DNAAF5: variants seen among roughly 807,000 people sequenced by gnomAD.
DNAAF5 encodes the protein dynein axonemal assembly factor 5, also known as HEAT repeat containing 2.
DNAAF5 carries 64 observed loss-of-function variants against 75.8 expected under a neutral mutation model. The ratio of observed to expected loss-of-function variants is 0.84; its 90% CI spans 0.69 to 1.04. The LOEUF is 1.04. Ranked by LOEUF, DNAAF5 falls within the 50% of genes least tolerant of loss-of-function variation. DNAAF5 has a pLI of 0.00. For synonymous variants in DNAAF5, 657 were observed against 557.2 expected (o/e 1.18, Z -2.52); for missense variants, 1,269 against 1,178.5 (o/e 1.08, Z -1.12).
At chr7:768,242 G>A (rs1190902003) in intron 8 of DNAAF5, among the ~76,000 whole-genome samples, 2 of 150,464 alleles carry the variant, frequency 1.3e-5, no homozygotes, top group Non-Finnish European at 3.0e-5. Context: ...CAGGGCGGAA[G>A]TGTCCGTGCT....
At chr7:746,254 G>A (rs1472567651) in intron 4 of DNAAF5, among the ~76,000 whole-genome samples, 1 of 142,158 alleles carries the variant, frequency 7.0e-6, no homozygotes, top group Non-Finnish European at 1.5e-5. Context: ...GGTCTGTGAC[G>A]CTCTCCTTAC....
chr7:754,804 G>T lies in DNAAF5; in HGVS notation c.1240G>T (p.Ala414Ser). 2 of 1,605,166 alleles carry T rather than the reference G, an allele frequency of 1.2e-6. No homozygotes were observed. The highest frequency in any genetic ancestry group is 1.1e-5 in the South Asian group (1 of 90,760). Residue 414 changes from alanine to serine, a missense_variant, in exon 5 of 13, where the codon GCA becomes TCA. Physicochemically the swap from Ala to Ser is moderately conservative, Grantham distance 99 (BLOSUM62 1). Coordinates refer to ENST00000297440, the MANE Select transcript of DNAAF5 (RefSeq NM_017802.4). This position sits in a 1 kb window ranked among gnomAD's most constrained non-coding sequence, Gnocchi z 4.8. ...GTTCCAGGCCTGCACCGACGAGGAG[G>T]CAGCCGTGGTCCAAAGTGTAAGTGG... Reference protein sequence around the residue: ...TLFQACTDEEAAVVQSCTRSA... With the variant: ...TLFQACTDEESAVVQSCTRSA...
At chr7:757,045 C>T (rs757118338) in intron 6 of DNAAF5, 51 bp downstream of exon 6, 28 of 1,518,450 alleles carry the variant, frequency 1.8e-5, no homozygotes, top group African/African-American at 2.7e-5. Flanking sequence ...CTCCCCTGCC[C>T]GGCCGTCAGC....
intron 11 of DNAAF5, among the ~76,000 whole-genome samples, chr7:777,458 A>G (rs1778801024): frequency 6.6e-6 from 1 of 152,154 alleles, no homozygotes; most frequent in Admixed American, 6.5e-5. Flanking sequence ...GAAGACAAGC[A>G]GGAATAAAGA....
intron 2 of DNAAF5, among the ~76,000 whole-genome samples, chr7:735,519 G>C (rs894698374): frequency 6.7e-6 from 1 of 148,528 alleles, no homozygotes; most frequent in African/African-American, 2.5e-5. Flanking sequence ...TGATATTGTT[G>C]CTCACGGTTT....
chr7:765,869 A>G (rs959477368), intron 8 of DNAAF5, among the ~76,000 whole-genome samples: 1 of 151,982 alleles, frequency 6.6e-6, no homozygotes, highest in Non-Finnish European at 1.5e-5. Context: ...CTACTTCTGT[A>G]TGTTTTTCTA....
chr7:727,274 A>G lies in DNAAF5; in HGVS notation c.554A>G (p.Glu185Gly). ...LLDPFAAVRRESCSCAAALAQ... is the reference protein window; with the variant it reads ...LLDPFAAVRRGSCSCAAALAQ... ...GACCCCTTCGCCGCCGTGCGCCGCG[A>G]GAGCTGCAGCTGCGCCGCCGCCCTG... Residue 185 changes from glutamate to glycine, a missense_variant, in exon 1 of 13, where the codon GAG becomes GGG. By Grantham distance (98) the Glu-to-Gly change is moderately conservative. Transcript: ENST00000297440. 1 of 1,320,358 alleles carries G rather than the reference A, an allele frequency of 7.6e-7. No individual in the cohort carries two copies. Among genetic ancestry groups the G allele is most frequent in the East Asian group, 3.2e-5 (1 of 31,154 alleles). The allele number at this position is 1,320,358 out of a possible 1,614,324, so 81.8% of individuals were successfully genotyped here. A position where few individuals can be genotyped will look rare whatever the true frequency, so the allele number is the denominator to read the frequency against.
At chr7:750,390 T>C (rs1782256180) in intron 4 of DNAAF5, among the ~76,000 whole-genome samples, 2 of 152,200 alleles carry the variant, frequency 1.3e-5, no homozygotes, top group South Asian at 4.1e-4. Context: ...TCAGCAACGC[T>C]TGACTGTACC....
chr7:750,297 A>G (rs1022390549), intron 4 of DNAAF5, among the ~76,000 whole-genome samples: 3 of 152,264 alleles, frequency 2.0e-5, no homozygotes, highest in Non-Finnish European at 2.9e-5. Flanking sequence ...TGCGCCATCT[A>G]GGCTTGTGTA....
At position 746,469 on chromosome 7, in the gene DNAAF5, C is replaced by A. The variant is rs74883930; in HGVS notation, c.1024+5004C>A. The stretch of plus-strand genomic sequence containing the variant: ...TGACGCCCTCCTTACCGTCCTGCTG[C>A]CCCCCACCCAACATGCCCAGGGTTT... On this transcript the variant is annotated intron_variant, in intron 4 of 12. Coordinates refer to ENST00000297440, the MANE Select transcript of DNAAF5 (RefSeq NM_017802.4). 4.8e-4 allele frequency among the ~76,000 whole-genome samples: 57 copies of A among 119,472 alleles called. 3 individuals are homozygous for A. In the East Asian group the frequency reaches 7.2e-3, roughly 15 times the overall value. 78.4% of individuals were successfully genotyped at this position (119,472 alleles called of 152,430 possible). A position where few individuals can be genotyped will look rare whatever the true frequency, so the allele number is the denominator to read the frequency against.
intron 4 of DNAAF5, among the ~76,000 whole-genome samples, chr7:743,272 G>T (rs937101213): frequency 6.6e-6 from 1 of 152,146 alleles, no homozygotes; most frequent in African/African-American, 2.4e-5. Context: ...CTGCTCCAGA[G>T]GCTGAGGTGG....
intron 9 of DNAAF5, chr7:770,901 G>A (rs975483130): frequency 2.2e-5 from 8 of 368,864 alleles, no homozygotes; most frequent in East Asian, 4.4e-5. Context: ...TGAGGTGGGC[G>A]TGTGCAGTGA....
At chr7:777,308 C>G (rs776016816) in intron 11 of DNAAF5, among the ~76,000 whole-genome samples, 2 of 152,112 alleles carry the variant, frequency 1.3e-5, no homozygotes, top group South Asian at 4.2e-4. Context: ...GAAGACCCGG[C>G]GCTAAGGGCA....
At chr7:731,800 G>A (rs1354841820) in intron 2 of DNAAF5, among the ~76,000 whole-genome samples, 1 of 152,016 alleles carries the variant, frequency 6.6e-6, no homozygotes, top group Non-Finnish European at 1.5e-5. Flanking sequence ...CGTCCTATTA[G>A]AGACCCTGCA....
chr7:784,304 G>T (rs931319205), intron 12 of DNAAF5, among the ~76,000 whole-genome samples: 4 of 152,164 alleles, frequency 2.6e-5, no homozygotes, highest in African/African-American at 9.7e-5. Context: ...CCTGGCCTCA[G>T]CTCCACACAC....
intron 7 of DNAAF5, among the ~76,000 whole-genome samples, chr7:763,138 G>A (rs1246164833): frequency 1.3e-5 from 2 of 152,110 alleles, no homozygotes; most frequent in Non-Finnish European, 2.9e-5. Flanking sequence ...CTTCCTTCTT[G>A]GGGCCTCTAA....
At chr7:767,737 G>A (rs1420059049) in intron 8 of DNAAF5, among the ~76,000 whole-genome samples, 3 of 151,726 alleles carry the variant, frequency 2.0e-5, no homozygotes, top group Non-Finnish European at 2.9e-5. Flanking sequence ...GCGAGGCGGA[G>A]CTGGCGCTGG....
intron 8 of DNAAF5, among the ~76,000 whole-genome samples, chr7:768,322 G>A (rs1463597635): frequency 6.6e-6 from 1 of 150,800 alleles, no homozygotes; most frequent in East Asian, 2.0e-4. Context: ...GCGAGCAGGA[G>A]CTCTCGCTGG....
intron 8 of DNAAF5, 64 bp downstream of exon 8, chr7:764,038 C>T: frequency 6.4e-7 from 1 of 1,562,654 alleles, no homozygotes; most frequent in Non-Finnish European, 8.7e-7. Context: ...CCTGCTCCCC[C>T]AGGTGCTCAG....
Sources: gnomAD v4.1 joint callset for allele counts (sites outside exome capture counted in the v4.1 genomes callset) on GRCh38, gnomAD v4.1.1 for gene constraint, Gnocchi (gnomAD v3.1) non-coding constraint, MANE v1.5 for transcripts, NCBI Gene and HGNC (gene_info 2026-07-23, HGNC 2026-07-21) for gene names.